Variants in TMEFF2 observed in about 807,000 individuals in gnomAD.
TMEFF2 encodes the protein tomoregulin-2.
TMEFF2 carries 28 observed loss-of-function variants against 53.8 expected under a neutral mutation model. The ratio of observed to expected loss-of-function variants is 0.52; its 90% CI spans 0.39 to 0.71. The LOEUF is 0.71. Among genes scored for constraint, TMEFF2 ranks in the 30% least tolerant of loss-of-function variants. The pLI, the probability that TMEFF2 is intolerant of heterozygous loss-of-function variation, is 0.00. For missense variants in TMEFF2, 353 were observed against 455.2 expected, an observed-to-expected ratio of 0.78 and a Z score of 2.04; for synonymous variants, 162 against 166.3, an observed-to-expected ratio of 0.97 and a Z score of 0.20.
intron 7 of TMEFF2, among the ~76,000 whole-genome samples, chr2:191,991,224 G>T (rs1177818446): frequency 6.6e-6 from 1 of 151,982 alleles, no homozygotes; most frequent in Non-Finnish European, 1.5e-5. Flanking sequence ...AAGGTCTCTT[G>T]CAACAAGCTG....
Position 192,055,039 on chromosome 2 carries a change from A to G in TMEFF2, c.536+2640T>C, listed in dbSNP as rs547044791. 2.6e-5 allele frequency among the ~76,000 whole-genome samples: 4 copies of G among 152,328 alleles called. No homozygotes were observed. In the East Asian group the frequency reaches 7.7e-4, roughly 29 times the overall value. On this transcript the variant is annotated intron_variant, in intron 5 of 9. Coordinates refer to ENST00000272771, the MANE Select transcript of TMEFF2 (RefSeq NM_016192.4). Reference sequence around the variant, plus strand: ...TCATTAAAAAGATAAGGAACTAGGAAAATTAAAATTCTTAAAAAAAAGAGA... The same window carrying G: ...TCATTAAAAAGATAAGGAACTAGGAGAATTAAAATTCTTAAAAAAAAGAGA...
chr2:192,185,768 C>T (rs1164623349), intron 2 of TMEFF2, among the ~76,000 whole-genome samples: 2 of 152,032 alleles, frequency 1.3e-5, no homozygotes, highest in East Asian at 3.9e-4. Flanking sequence ...AACTATTTAA[C>T]TCTTGCTCTT....
chr2:192,140,467 G>C (rs1364626349), intron 4 of TMEFF2, among the ~76,000 whole-genome samples: 3 of 152,130 alleles, frequency 2.0e-5, no homozygotes, highest in African/African-American at 7.2e-5. Context: ...ACCACATTCT[G>C]TACTGGTCAG....
At chr2:192,023,006 C>CTT (rs201707338) in intron 5 of TMEFF2, among the ~76,000 whole-genome samples, 1 of 151,168 alleles carries the variant, frequency 6.6e-6, no homozygotes, top group African/African-American at 2.4e-5. Context: ...ATTTTTTTAT[C>CTT]TTTTTTTTTA....
At chr2:192,116,449 A>C (rs1689408433) in intron 4 of TMEFF2, among the ~76,000 whole-genome samples, 1 of 152,088 alleles carries the variant, frequency 6.6e-6, no homozygotes, top group South Asian at 2.1e-4. Context: ...TGTATACGTG[A>C]AACTTGCTAA....
intron 7 of TMEFF2, among the ~76,000 whole-genome samples, chr2:191,991,214 A>C (rs774647471): frequency 3.9e-5 from 6 of 152,106 alleles, no homozygotes; most frequent in Admixed American, 6.6e-5. Flanking sequence ...AAAGTCAGCC[A>C]AGGTCTCTTG....
intron 7 of TMEFF2, among the ~76,000 whole-genome samples, chr2:191,961,830 T>TA (rs750830304): frequency 1.3e-5 from 2 of 152,172 alleles, no homozygotes; most frequent in Non-Finnish European, 2.9e-5. Flanking sequence ...GTTCTGAATG[T>TA]AATGAAGTCT....
chr2:191,949,730 C>T lies in TMEFF2; in HGVS notation c.*581G>A, dbSNP rs1399436096. ...TTTATATGCCAGAGATTTTTCTGCT[C>T]TAGGGATGAAAATGGAAGACCAGGG... On this transcript the variant is annotated 3_prime_UTR_variant, in exon 10 of 10. Transcript: ENST00000272771. The T allele has an allele frequency of 3.0e-6, 3 of 985,218 alleles. No individual in the cohort carries two copies. Among genetic ancestry groups the T allele is most frequent in the Non-Finnish European group, 3.6e-6 (3 of 829,914 alleles). The allele number at this position is 985,218 out of a possible 1,614,324, so 61.0% of individuals were successfully genotyped here. A position where few individuals can be genotyped will look rare whatever the true frequency, so the allele number is the denominator to read the frequency against.
At chr2:191,984,268 T>C (rs1452654524) in intron 7 of TMEFF2, among the ~76,000 whole-genome samples, 1 of 152,124 alleles carries the variant, frequency 6.6e-6, no homozygotes, top group Non-Finnish European at 1.5e-5. Context: ...AATCTGTTTT[T>C]CCAAAGTTAA....
At chr2:192,031,888 T>C (rs1462020673) in intron 5 of TMEFF2, 2 of 152,190 alleles carry the variant, frequency 1.3e-5, no homozygotes, top group African/African-American at 4.8e-5. Flanking sequence ...TCAAGGAAAA[T>C]AATCCCTGAC....
At chr2:192,080,678 G>T (rs1688531462) in intron 4 of TMEFF2, among the ~76,000 whole-genome samples, 1 of 152,100 alleles carries the variant, frequency 6.6e-6, no homozygotes. Flanking sequence ...CCAGTTTGAT[G>T]TCTCACAATT....
At chr2:192,173,597 C>A (rs1690967798) in intron 4 of TMEFF2, among the ~76,000 whole-genome samples, 1 of 151,836 alleles carries the variant, frequency 6.6e-6, no homozygotes, top group Non-Finnish European at 1.5e-5. Flanking sequence ...AATATGCCTG[C>A]CACTGTAGTT....
At chr2:192,036,041 T>C (rs1371323438) in intron 5 of TMEFF2, 1 of 152,244 alleles carries the variant, frequency 6.6e-6, no homozygotes, top group African/African-American at 2.4e-5. Flanking sequence ...AAGCACGTTG[T>C]AGACTCCAAA....
chr2:192,172,506 C>T (rs1313312883), intron 4 of TMEFF2, among the ~76,000 whole-genome samples: 1 of 151,926 alleles, frequency 6.6e-6, no homozygotes, highest in Non-Finnish European at 1.5e-5. Flanking sequence ...CTTTGTACCA[C>T]TACCTTCTAC....
chr2:192,134,639 A>C (rs926755222), intron 4 of TMEFF2, among the ~76,000 whole-genome samples: 8 of 152,214 alleles, frequency 5.3e-5, no homozygotes, highest in African/African-American at 1.9e-4. Flanking sequence ...CCTGCCCAGG[A>C]CTGGCAAATT....
At chr2:191,968,232 A>T (rs1048947673) in intron 7 of TMEFF2, among the ~76,000 whole-genome samples, 10 of 152,222 alleles carry the variant, frequency 6.6e-5, no homozygotes, top group African/African-American at 2.4e-4. Context: ...CAATTTACAG[A>T]TGAGAGTAAA....
At chr2:192,075,166 T>C (rs1199851770) in intron 4 of TMEFF2, among the ~76,000 whole-genome samples, 2 of 150,764 alleles carry the variant, frequency 1.3e-5, no homozygotes, top group Non-Finnish European at 3.0e-5. Flanking sequence ...CTATAATGAA[T>C]ATCTTTGGTT....
At chr2:191,963,349 C>T (rs985416251) in intron 7 of TMEFF2, among the ~76,000 whole-genome samples, 1 of 152,208 alleles carries the variant, frequency 6.6e-6, no homozygotes, top group African/African-American at 2.4e-5. Flanking sequence ...TCCAGGCATC[C>T]TTTCTTAGTG....
intron 4 of TMEFF2, among the ~76,000 whole-genome samples, chr2:192,096,670 C>CTCTTTCTT (rs61068218): frequency 1.9e-5 from 1 of 53,702 alleles, no homozygotes; most frequent in Non-Finnish European, 2.8e-5. Context: ...CTCTCTCTCT[C>CTCTTTCTT]TTTTTTTTTT....
Sources: allele counts gnomAD v4.1 joint callset (sites outside exome capture counted in the v4.1 genomes callset), GRCh38; gene constraint gnomAD v4.1.1; transcripts MANE v1.5; gene names NCBI Gene and HGNC (gene_info 2026-07-23, HGNC 2026-07-21).